Variants in ABCA7 observed in about 807,000 individuals in gnomAD.
ABCA7 encodes ATP binding cassette subfamily A member 7, also known as phospholipid-transporting ATPase ABCA7.
In ABCA7, 261 loss-of-function variants were observed where a neutral mutation model predicts 227.6. The observed-to-expected ratio is 1.15, with a 90% CI of 1.04 to 1.27. The LOEUF is 1.27. ABCA7 is among the 50% of genes most tolerant of loss of function. ABCA7 has a pLI of 0.00. For synonymous variants in ABCA7, 1,488 were observed against 1,279.7 expected, an observed-to-expected ratio of 1.16 and a Z score of -3.47; for missense variants, 3,331 against 2,924.5, an observed-to-expected ratio of 1.14 and a Z score of -3.21.
chr19:1,054,961 G>A lies in ABCA7; in HGVS notation c.3950+83G>A, dbSNP rs2042116261. ...GTCCCTGGCCAGGGAGCCTCAGGGG[G>A]CACCTGGAGCATCCCCTGTGCCCAC... On this transcript the variant is annotated intron_variant, in intron 29 of 46. Coordinates refer to ENST00000263094, the MANE Select transcript of ABCA7 (RefSeq NM_019112.4). The surrounding 1 kb of genome is among the most constrained non-coding windows in gnomAD (Gnocchi z 4.8). 1 of 1,545,186 alleles carries A rather than the reference G, an allele frequency of 6.5e-7. No individual in the cohort carries two copies. Among genetic ancestry groups the A allele is most frequent in the Non-Finnish European group, 8.8e-7 (1 of 1,140,554 alleles).
intron 39 of ABCA7, 23 bp downstream of exon 39, chr19:1,058,963 C>A (rs2042468035): frequency 6.2e-7 from 1 of 1,611,470 alleles, no homozygotes; most frequent in African/African-American, 1.3e-5. Context: ...AGGTCGACTG[C>A]TGGGTGGGGG....
chr19:1,046,302 G>A lies in ABCA7; in HGVS notation c.1518G>A (p.Leu506=), dbSNP rs755752221. 6.2e-7 allele frequency: 1 copy of A among 1,605,596 alleles called. No homozygotes were observed. The change falls in exon 13 of 47, where the codon CTG becomes CTA. Residue 506 remains leucine (L), a synonymous_variant. Coordinates refer to ENST00000263094, the MANE Select transcript of ABCA7 (RefSeq NM_019112.4). The part of the protein sequence containing the change: ...LRYVWGGFVY[L]QDLVERAAVR... ...ACGTGTGGGGCGGCTTCGTGTACCT[G>A]CAAGACCTGGTGGAGCGTGCAGCCG... is the stretch of plus-strand genomic sequence containing the variant.
intron 30 of ABCA7, 86 bp from the exon 31 acceptor site, chr19:1,055,821 A>G: frequency 1.5e-6 from 2 of 1,372,540 alleles, no homozygotes; most frequent in Non-Finnish European, 2.0e-6. Flanking sequence ...GTTTTTGTCC[A>G]CCCTTGACTC....
rs781300176 is a variant in ABCA7 at position 1,054,796 on chromosome 19, G to A, written c.3868G>A (p.Asp1290Asn). The A allele has an allele frequency of 1.9e-6, 3 of 1,595,712 alleles. No homozygotes were observed. Among genetic ancestry groups the A allele is most frequent in the Non-Finnish European group, 2.6e-6 (3 of 1,171,990 alleles). The change falls in exon 29 of 47, where the codon GAC becomes AAC. Residue 1290 changes from aspartate to asparagine, a missense_variant. Transcript: ENST00000263094. This position sits in a 1 kb window ranked among gnomAD's most constrained non-coding sequence, Gnocchi z 4.8. ...VSFFSEDAPG[D>N]PGRARLLEAL... ...CACACACAGTGAGGACGCCCCAGGG[G>A]ACCCTGGACGTGCCCGGCTGCTCGA...
chr19:1,064,823 G>A (rs2042935471), intron 45 of ABCA7, 108 bp from the exon 46 acceptor site: 6 of 1,428,022 alleles, frequency 4.2e-6, no homozygotes, highest in Admixed American at 5.5e-5. Flanking sequence ...TGATCGCTAG[G>A]GTAGTACAAG....
intron 45 of ABCA7, chr19:1,064,616 G>T (rs1599736874): frequency 1.9e-6 from 1 of 514,004 alleles, no homozygotes; most frequent in Non-Finnish European, 3.4e-6. Context: ...TGTGTGGGCG[G>T]GGGTAGAGTG....
chr19:1,063,645 G>C lies in ABCA7; in HGVS notation c.5814G>C (p.Leu1938=). ...ACAAACGCAAGCTGGCGACGGCCCT[G>C]GCGCTGGTTGGGGACCCAGCCGTGG... is the stretch of plus-strand genomic sequence containing the variant. ...GGNKRKLATA[L]ALVGDPAVVF... is the part of the protein sequence containing the mutation. The change falls in exon 43 of 47, where the codon CTG becomes CTC. Residue 1938 remains leucine (L), a synonymous_variant. Transcript: ENST00000263094. The C allele has an allele frequency of 6.2e-7, 1 of 1,610,032 alleles. No homozygotes were observed.
Position 1,054,310 on chromosome 19 carries a change from C to T in ABCA7, c.3695C>T (p.Ala1232Val), listed in dbSNP as rs913184038. Reference sequence around the variant, plus strand: ...CTGCTTCTCAAGCGCTTTCTGCTTGCCCGCCGCAGCCGCCGCGGCCTGTTC... The same window carrying T: ...CTGCTTCTCAAGCGCTTTCTGCTTGTCCGCCGCAGCCGCCGCGGCCTGTTC... The part of the protein sequence containing the change: ...QALLLKRFLL[A>V]RRSRRGLFAQ... The change falls in exon 27 of 47, where the codon GCC becomes GTC. Residue 1232 changes from alanine (A) to valine (V), a missense_variant. Transcript: ENST00000263094. The surrounding 1 kb of genome is among the most constrained non-coding windows in gnomAD (Gnocchi z 4.8). The T allele has an allele frequency of 1.9e-6, 3 of 1,602,822 alleles. No individual in the cohort carries two copies. Among genetic ancestry groups the T allele is most frequent in the Admixed American group, 1.7e-5 (1 of 59,852 alleles).
Position 1,051,949 on chromosome 19 carries a change from G to A in ABCA7, c.2970G>A (p.Thr990=), listed in dbSNP as rs369209065. ...ELLLKYREGR[T]LILSTHHLDE... ...TTGGTCCCCCGTGCCTAGGTCGCAC[G>A]CTGATCCTCTCCACCCACCACCTGG... The change falls in exon 22 of 47, where the codon ACG becomes ACA. Residue 990 remains threonine, a synonymous_variant. Coordinates refer to ENST00000263094, the MANE Select transcript of ABCA7 (RefSeq NM_019112.4). 1.4e-5 allele frequency: 22 copies of A among 1,611,276 alleles called. No individual in the cohort carries two copies. Among genetic ancestry groups the A allele is most frequent in the African/African-American group, 9.3e-5 (7 of 74,890 alleles).
chr19:1,042,013 G>A, intron 4 of ABCA7, 41 bp downstream of exon 4: 2 of 1,581,384 alleles, frequency 1.3e-6, no homozygotes, highest in Non-Finnish European at 1.7e-6. Context: ...TGCAAACTCG[G>A]GGCTGCAGTG....
In ABCA7 at chr19:1,049,291, C is replaced by T. The variant is rs2041119969; in HGVS notation, c.2406C>T (p.Gly802=). The change falls in exon 18 of 47, where the codon GGC becomes GGT. Residue 802 remains glycine (G), a synonymous_variant. Coordinates refer to ENST00000263094, the MANE Select transcript of ABCA7 (RefSeq NM_019112.4). The part of the protein sequence containing the change: ...PKVLVEEAPP[G]LSPGVSVRSL... ...TGCTGGTAGAAGAGGCACCGCCCGGCCTGAGTCCTGGCGTCTCCGTTCGCA... is the reference window on the plus strand; with the variant it reads ...TGCTGGTAGAAGAGGCACCGCCCGGTCTGAGTCCTGGCGTCTCCGTTCGCA... 6.2e-7 allele frequency: 1 copy of T among 1,609,614 alleles called. No homozygotes were observed. The highest frequency in any genetic ancestry group is 1.3e-5 in the African/African-American group (1 of 74,764).
Position 1,056,829 on chromosome 19 carries a change from A to G in ABCA7, c.4587-78A>G. 2.7e-6 allele frequency: 4 copies of G among 1,480,606 alleles called. No homozygotes were observed. Among genetic ancestry groups the G allele is most frequent in the Non-Finnish European group, 3.7e-6 (4 of 1,081,438 alleles). The allele number at this position is 1,480,606 out of a possible 1,614,324, so 91.7% of individuals were successfully genotyped here. A position where few individuals can be genotyped will look rare whatever the true frequency, so the allele number is the denominator to read the frequency against. The stretch of plus-strand genomic sequence containing the variant: ...TGACTGCCCCATAGACCTTTGTCCC[A>G]TCAATGGCGTGTTCAGCTCTGCTCT... On this transcript the variant is annotated intron_variant, in intron 33 of 46. Coordinates refer to ENST00000263094, the MANE Select transcript of ABCA7 (RefSeq NM_019112.4). This position sits in a 1 kb window ranked among gnomAD's most constrained non-coding sequence, Gnocchi z 4.3.
chr19:1,056,857 G>A lies in ABCA7; in HGVS notation c.4587-50G>A, dbSNP rs758283482. 15 of 1,578,526 alleles carry A rather than the reference G, an allele frequency of 9.5e-6. No individual in the cohort carries two copies. Among genetic ancestry groups the A allele is most frequent in the East Asian group, 6.7e-5 (3 of 44,484 alleles). ...AATGGCGTGTTCAGCTCTGCTCTGA[G>A]CAACCCATGCACCCTCACCCTACAA... On this transcript the variant is annotated intron_variant, in intron 33 of 46. Transcript: ENST00000263094. This position sits in a 1 kb window ranked among gnomAD's most constrained non-coding sequence, Gnocchi z 4.3.
chr19:1,053,029 G>A (rs1159507778), intron 23 of ABCA7, among the ~76,000 whole-genome samples: 4 of 152,144 alleles, frequency 2.6e-5, no homozygotes, highest in African/African-American at 9.7e-5. Flanking sequence ...GAGTAACTGG[G>A]ATTACAGGTG....
Position 1,043,230 on chromosome 19 carries a change from G to T in ABCA7, c.769G>T (p.Ala257Ser), listed in dbSNP as rs143033789. ...GCTGGTGGGGCAGGAGCCAGAATCC[G>T]CCCTGCCAGACAGCAGCCTGAGTGA... Reference protein sequence around the residue: ...MELVGQEPESALPDSSLSPAC... With the variant: ...MELVGQEPESSLPDSSLSPAC... The change falls in exon 8 of 47, where the codon GCC (alanine) becomes TCC (serine). Residue 257 changes from alanine (A) to serine (S), a missense_variant. Ala to Ser is a moderately conservative substitution (Grantham distance 99). Coordinates refer to ENST00000263094, the MANE Select transcript of ABCA7 (RefSeq NM_019112.4). The T allele has an allele frequency of 4.4e-6, 7 of 1,607,686 alleles. No individual in the cohort carries two copies. Among genetic ancestry groups the T allele is most frequent in the South Asian group, 1.1e-5 (1 of 90,880 alleles).
chr19:1,048,852 C>G, intron 16 of ABCA7, 43 bp from the exon 17 acceptor site: 2 of 1,220,076 alleles, frequency 1.6e-6, no homozygotes, highest in Non-Finnish European at 2.3e-6. Flanking sequence ...CTGGTACACT[C>G]CTGGGGGGTG....
In ABCA7 at chr19:1,042,768, GC is replaced by G; in HGVS notation, c.523del (p.Gln175LysfsTer72). The G allele has an allele frequency of 6.2e-7, 1 of 1,613,446 alleles. No homozygotes were observed. Among genetic ancestry groups the G allele is most frequent in the South Asian group, 1.1e-5 (1 of 91,090 alleles). ...LRTESLGLAL[G>X]QAQEPLHSLL... is the part of the protein sequence containing the mutation. ...CAGGAATCCCTGGGGTTGGCACTGG[GC>G]CAAGCCCAGGAGCCCTTGCACAGCT... On this transcript the variant is annotated frameshift_variant, in exon 7 of 47. Coordinates refer to ENST00000263094, the MANE Select transcript of ABCA7 (RefSeq NM_019112.4). LOFTEE classifies it high-confidence loss of function.
chr19:1,055,323 A>G lies in ABCA7; in HGVS notation c.4177A>G (p.Lys1393Glu). Residue 1393 changes from lysine to glutamate, a missense_variant, in exon 30 of 47, where the codon AAG (lysine) becomes GAG (glutamate). Lys to Glu is a moderately conservative substitution (Grantham distance 56). Coordinates refer to ENST00000263094, the MANE Select transcript of ABCA7 (RefSeq NM_019112.4). The part of the protein sequence containing the change: ...TGRNLSDFLV[K>E]TYPRLVRQGL... ...CCGGAACCTGTCTGACTTCCTGGTC[A>G]AGACCTACCCGCGCCTGGTGCGCCA... The G allele has an allele frequency of 6.3e-7, 1 of 1,599,220 alleles. No homozygotes were observed. The highest frequency in any genetic ancestry group is 8.5e-7 in the Non-Finnish European group (1 of 1,174,986).
Position 1,053,259 on chromosome 19 carries a change from G to A in ABCA7, c.3221-70G>A, listed in dbSNP as rs986099546. On this transcript the variant is annotated intron_variant, in intron 23 of 46. Transcript: ENST00000263094. The stretch of plus-strand genomic sequence containing the variant: ...GACAGTCCCCTCACAGGTCACCAAT[G>A]CCTCTTCCCCAGGGAGACTGGGGTG... 20 of 1,486,270 alleles carry A rather than the reference G, an allele frequency of 1.3e-5. No homozygotes were observed. In the Admixed American group the frequency reaches 2.7e-4, roughly 20 times the overall value. 92.1% of individuals were successfully genotyped at this position (1,486,270 alleles called of 1,614,324 possible).
Sources: gnomAD v4.1 joint callset for allele counts (sites outside exome capture counted in the v4.1 genomes callset) on GRCh38, gnomAD v4.1.1 for gene constraint, Gnocchi (gnomAD v3.1) non-coding constraint, MANE v1.5 for transcripts, NCBI Gene and HGNC (gene_info 2026-07-23, HGNC 2026-07-21) for gene names.